LMBRD1: variants seen among roughly 807,000 people sequenced by gnomAD.
LMBRD1 encodes LMBR1 domain containing 1.
In LMBRD1, 64 loss-of-function variants were observed where a neutral mutation model predicts 74.8. The ratio of observed to expected loss-of-function variants is 0.86; its 90% CI spans 0.70 to 1.05. The LOEUF is 1.05. LMBRD1 is among the 50% of genes least tolerant of loss of function. LMBRD1 has a pLI of 0.00. For missense variants in LMBRD1, 652 were observed against 645.9 expected (o/e 1.01, Z -0.10); for synonymous variants, 204 against 216.3 (o/e 0.94, Z 0.50).
At chr6:69,773,196 T>C (rs917851749) in intron 3 of LMBRD1, among the ~76,000 whole-genome samples, 1 of 148,712 alleles carries the variant, frequency 6.7e-6, no homozygotes, top group Non-Finnish European at 1.5e-5. Context: ...TGACTGCTCA[T>C]GTGTGGATTA....
At chr6:69,713,222 C>A (rs1458427459) in intron 9 of LMBRD1, among the ~76,000 whole-genome samples, 2 of 151,856 alleles carry the variant, frequency 1.3e-5, no homozygotes, top group Admixed American at 1.3e-4. Context: ...AATGAACACG[C>A]CAACAGAATG....
chr6:69,743,375 T>G (rs1767148857), intron 5 of LMBRD1, among the ~76,000 whole-genome samples: 2 of 152,208 alleles, frequency 1.3e-5, no homozygotes, highest in South Asian at 2.1e-4. Flanking sequence ...TATGTCAGTT[T>G]TAGGTAATCA....
chr6:69,772,377 C>G (rs1019876848), intron 3 of LMBRD1, among the ~76,000 whole-genome samples: 1 of 152,026 alleles, frequency 6.6e-6, no homozygotes, highest in Non-Finnish European at 1.5e-5. Context: ...GAAGAAAAAA[C>G]AAGAACATAT....
chr6:69,714,102 G>A (rs1044766296), intron 8 of LMBRD1, among the ~76,000 whole-genome samples: 1 of 151,966 alleles, frequency 6.6e-6, no homozygotes, highest in Non-Finnish European at 1.5e-5. Context: ...GATAAGAAGT[G>A]TTAACTACTA....
intron 3 of LMBRD1, among the ~76,000 whole-genome samples, chr6:69,755,899 T>A (rs1215157904): frequency 6.6e-6 from 1 of 152,198 alleles, no homozygotes; most frequent in Non-Finnish European, 1.5e-5. Context: ...ATGACTATTT[T>A]ATAAGCATTT....
At chr6:69,705,789 G>T in intron 9 of LMBRD1, 1 of 1,177,588 alleles carries the variant, frequency 8.5e-7, no homozygotes, top group South Asian at 1.2e-5. Flanking sequence ...TTCATCTACT[G>T]ACTGCATCTT....
chr6:69,776,389 T>C (rs1765705444), intron 3 of LMBRD1, among the ~76,000 whole-genome samples: 1 of 152,218 alleles, frequency 6.6e-6, no homozygotes. Flanking sequence ...AAAACTAGCA[T>C]CTAAACTAGC....
intron 7 of LMBRD1, among the ~76,000 whole-genome samples, chr6:69,725,224 T>C (rs938484838): frequency 6.6e-6 from 1 of 151,638 alleles, no homozygotes; most frequent in Admixed American, 6.6e-5. Context: ...ACCAAAAAAA[T>C]GAAGAAATAT....
At chr6:69,751,664 C>T (rs1261881306) in intron 4 of LMBRD1, among the ~76,000 whole-genome samples, 1 of 152,212 alleles carries the variant, frequency 6.6e-6, no homozygotes, top group Non-Finnish European at 1.5e-5. Flanking sequence ...TTAGTAAGAA[C>T]AACCTACAAG....
chr6:69,680,103 A>G (rs755584916), intron 14 of LMBRD1, among the ~76,000 whole-genome samples: 6 of 152,148 alleles, frequency 3.9e-5, no homozygotes, highest in Non-Finnish European at 8.8e-5. Context: ...TATAATCAGT[A>G]TCAGCATACA....
chr6:69,779,051 T>C (rs1192512167), intron 3 of LMBRD1, among the ~76,000 whole-genome samples: 2 of 151,962 alleles, frequency 1.3e-5, no homozygotes, highest in African/African-American at 4.8e-5. Context: ...CTGGGCGTGA[T>C]GGTGTGTGCC....
chr6:69,705,550 T>C (rs1000540443), intron 9 of LMBRD1: 6 of 1,282,640 alleles, frequency 4.7e-6, no homozygotes, highest in Admixed American at 1.7e-5. Flanking sequence ...CCATTCTGAT[T>C]TGGCTTTTGT....
At chr6:69,743,782 A>G (rs1438995743) in intron 5 of LMBRD1, among the ~76,000 whole-genome samples, 1 of 152,148 alleles carries the variant, frequency 6.6e-6, no homozygotes, top group Non-Finnish European at 1.5e-5. Context: ...ATCAACACAG[A>G]CCCTGGCCTT....
In LMBRD1 at chr6:69,741,789, G is replaced by A. The variant is rs554554993; in HGVS notation, c.562C>T (p.His188Tyr). ...GTTTTTTAAAAAAAACAATACTTAC[G>A]ACTACTTCCAAGTTCTTCAAATAGG... ...KSLFEELGSSHGLAALSFSIS... is the reference protein window; with the variant it reads ...KSLFEELGSSYGLAALSFSIS... Residue 188 changes from histidine to tyrosine, a missense_variant and splice_region_variant, in exon 6 of 16, where the codon CAT becomes TAT. Physicochemically the swap from His to Tyr is moderately conservative, Grantham distance 83 (BLOSUM62 2). Around this residue, in one of 3 missense-constraint regions of LMBRD1, gnomAD observed 598 missense variants for 581.8 expected, o/e 1.03. Coordinates refer to ENST00000649934, the MANE Select transcript of LMBRD1 (RefSeq NM_018368.4). The A allele has an allele frequency of 8.9e-5, 138 of 1,545,808 alleles. No individual in the cohort carries two copies. Among genetic ancestry groups the A allele is most frequent in the South Asian group, 2.3e-4 (21 of 89,468 alleles).
chr6:69,701,207 T>C (rs951109210), intron 11 of LMBRD1, among the ~76,000 whole-genome samples: 8 of 151,882 alleles, frequency 5.3e-5, no homozygotes, highest in African/African-American at 1.4e-4. Flanking sequence ...CCAAGTCAAA[T>C]TATGTATAAC....
chr6:69,786,692 A>C (rs1423951612), intron 2 of LMBRD1, among the ~76,000 whole-genome samples: 1 of 152,192 alleles, frequency 6.6e-6, no homozygotes, highest in African/African-American at 2.4e-5. Context: ...TGCTGAAAGA[A>C]AGGTCAACAG....
chr6:69,748,926 C>T (rs1055519514), intron 5 of LMBRD1, among the ~76,000 whole-genome samples: 3 of 151,996 alleles, frequency 2.0e-5, no homozygotes, highest in Non-Finnish European at 4.4e-5. Context: ...AATGTCTAAG[C>T]AGTCATCACT....
At chr6:69,680,657 G>C (rs1029589780) in intron 14 of LMBRD1, among the ~76,000 whole-genome samples, 15 of 152,150 alleles carry the variant, frequency 9.9e-5, no homozygotes, top group African/African-American at 3.6e-4. Flanking sequence ...ATTCTGCGTT[G>C]TTGTTGAAAA....
chr6:69,789,514 G>A (rs1156681915), intron 2 of LMBRD1, among the ~76,000 whole-genome samples: 1 of 151,480 alleles, frequency 6.6e-6, no homozygotes, highest in Admixed American at 6.6e-5. Flanking sequence ...GCAACAGAGT[G>A]AGCCTCTATC....
Sources: gnomAD v4.1 joint callset for allele counts (sites outside exome capture counted in the v4.1 genomes callset) on GRCh38, gnomAD v4.1.1 for gene constraint, gnomAD v4.1.1 regional missense constraint, MANE v1.5 for transcripts, NCBI Gene and HGNC (gene_info 2026-07-23, HGNC 2026-07-21) for gene names.